The following PTPRG variants were observed in gnomAD, a reference collection of about 807,000 sequenced individuals.
PTPRG encodes receptor-type tyrosine-protein phosphatase gamma.
In PTPRG, 102 loss-of-function variants were observed where a neutral mutation model predicts 165.3. That is an observed-to-expected ratio of 0.62 (90% CI 0.53 to 0.73). PTPRG has a LOEUF of 0.73. Among genes scored for constraint, PTPRG ranks in the 30% least tolerant of loss-of-function variants. The pLI is 0.00. For missense variants in PTPRG, 1,866 were observed against 1,861.4 expected (o/e 1.00, Z -0.05); for synonymous variants, 675 against 669.5 (o/e 1.01, Z -0.13).
intron 5 of PTPRG, among the ~76,000 whole-genome samples, chr3:62,087,897 A>G (rs1040517221): frequency 1.3e-5 from 2 of 152,192 alleles, no homozygotes; most frequent in Non-Finnish European, 2.9e-5. Flanking sequence ...CTTCGATCCT[A>G]AATTATCTTA....
At chr3:62,185,074 T>G (rs1488926414) in intron 8 of PTPRG, among the ~76,000 whole-genome samples, 1 of 151,926 alleles carries the variant, frequency 6.6e-6, no homozygotes, top group East Asian at 1.9e-4. Flanking sequence ...AAAATATCCT[T>G]GACATTGATT....
At chr3:61,976,146 A>C (rs1260219179) in intron 2 of PTPRG, among the ~76,000 whole-genome samples, 1 of 152,178 alleles carries the variant, frequency 6.6e-6, no homozygotes, top group African/African-American at 2.4e-5. Context: ...TTGACAGAAT[A>C]TCTCTTGATA....
At chr3:62,016,086 A>T (rs2041538338) in intron 4 of PTPRG, among the ~76,000 whole-genome samples, 1 of 151,970 alleles carries the variant, frequency 6.6e-6, no homozygotes, top group South Asian at 2.1e-4. Flanking sequence ...AATAGTATAA[A>T]CCCCCTCCTC....
intron 5 of PTPRG, among the ~76,000 whole-genome samples, chr3:62,105,564 T>C (rs1702446140): frequency 6.6e-6 from 1 of 152,200 alleles, no homozygotes; most frequent in Non-Finnish European, 1.5e-5. Context: ...TTTACTTGTC[T>C]AGAGAGGCAT....
chr3:61,639,849 G>C (rs563579781), intron 1 of PTPRG, among the ~76,000 whole-genome samples: 8 of 152,266 alleles, frequency 5.3e-5, no homozygotes, highest in African/African-American at 1.7e-4. Context: ...TCAGTGAAGA[G>C]AGATAGTTTG....
chr3:61,751,632 A>G (rs2033433283), intron 2 of PTPRG, among the ~76,000 whole-genome samples: 1 of 152,180 alleles, frequency 6.6e-6, no homozygotes, highest in Non-Finnish European at 1.5e-5. Flanking sequence ...CATGGGAATG[A>G]TTAATATTAA....
chr3:61,835,960 A>G (rs1442228586), intron 2 of PTPRG, among the ~76,000 whole-genome samples: 2 of 151,708 alleles, frequency 1.3e-5, no homozygotes, highest in African/African-American at 4.8e-5. Context: ...GAATTGCTTG[A>G]AGCTGGGAGG....
chr3:62,292,275 C>A, intron 28 of PTPRG, 146 bp from the exon 29 acceptor site: 1 of 907,790 alleles, frequency 1.1e-6, no homozygotes, highest in Non-Finnish European at 1.6e-6. Context: ...ATCCCTCCCC[C>A]ACCAGCATTT....
intron 2 of PTPRG, among the ~76,000 whole-genome samples, chr3:61,782,562 C>A (rs2034576441): frequency 1.3e-5 from 2 of 152,136 alleles, no homozygotes; most frequent in Admixed American, 1.3e-4. Context: ...TACAGCTAAA[C>A]AAAAGTGCTA....
intron 1 of PTPRG, among the ~76,000 whole-genome samples, chr3:61,601,869 G>A (rs963809293): frequency 1.3e-5 from 2 of 152,210 alleles, no homozygotes; most frequent in Non-Finnish European, 2.9e-5. Context: ...TAATATTTGA[G>A]CAGAAATGTG....
chr3:61,815,301 G>C (rs2035723416), intron 2 of PTPRG, among the ~76,000 whole-genome samples: 1 of 151,720 alleles, frequency 6.6e-6, no homozygotes, highest in Admixed American at 6.6e-5. Context: ...TCCCAGCTAC[G>C]TGGGAGGCTG....
chr3:62,122,927 TG>T (rs1272134984), intron 5 of PTPRG, among the ~76,000 whole-genome samples: 11 of 152,152 alleles, frequency 7.2e-5, no homozygotes, highest in Non-Finnish European at 1.2e-4. Flanking sequence ...CAACCTGTCT[TG>T]TGGGAGCTAG....
intron 2 of PTPRG, among the ~76,000 whole-genome samples, chr3:61,866,937 C>T (rs902464664): frequency 2.6e-5 from 4 of 152,092 alleles, no homozygotes; most frequent in Non-Finnish European, 2.9e-5. Flanking sequence ...GTGTTTGCAA[C>T]GGAAGAGAGA....
intron 1 of PTPRG, among the ~76,000 whole-genome samples, chr3:61,698,803 A>G (rs2030762176): frequency 6.6e-6 from 1 of 152,240 alleles, no homozygotes; most frequent in Non-Finnish European, 1.5e-5. Flanking sequence ...AAAAGAATAT[A>G]TGTGGCACAT....
In PTPRG at chr3:61,987,253, G is replaced by A. The variant is rs114921513; in HGVS notation, c.191-2372G>A. Among the ~76,000 whole-genome samples the A allele has an allele frequency of 5.0e-3, 761 of 152,286 alleles. 9 individuals carry two copies. The highest frequency in any genetic ancestry group is 0.017 in the Middle Eastern group (5 of 294). On this transcript the variant is annotated intron_variant, in intron 2 of 29. Transcript: ENST00000474889. ...TGGAAGATCAGTTTCAATTAAAATT[G>A]CACTTGAATGTATATTGGGTGGAAG... is the stretch of plus-strand genomic sequence containing the variant.
At chr3:61,953,320 TAGAG>T (rs748864693) in intron 2 of PTPRG, among the ~76,000 whole-genome samples, 22 of 152,176 alleles carry the variant, frequency 1.4e-4, no homozygotes, top group Non-Finnish European at 2.4e-4. Context: ...GGGGCAAAAA[TAGAG>T]AGAAACTAGA....
intron 13 of PTPRG, among the ~76,000 whole-genome samples, chr3:62,227,417 C>T (rs1700787771): frequency 6.6e-6 from 1 of 152,206 alleles, no homozygotes; most frequent in African/African-American, 2.4e-5. Context: ...CCCTGTTAAC[C>T]AGCAATAATA....
intron 2 of PTPRG, among the ~76,000 whole-genome samples, chr3:61,908,143 A>G (rs979572047): frequency 2.0e-5 from 3 of 149,046 alleles, no homozygotes; most frequent in African/African-American, 7.4e-5. Flanking sequence ...AAAAAAAAAA[A>G]AAAAAATCGG....
chr3:62,276,720 TCTG>T, intron 24 of PTPRG: 1 of 482,718 alleles, frequency 2.1e-6, no homozygotes, highest in Non-Finnish European at 3.7e-6. Context: ...CTGTTATTGA[TCTG>T]CTGTAAAAAT....
Sources: gnomAD v4.1 joint callset for allele counts (sites outside exome capture counted in the v4.1 genomes callset) on GRCh38, gnomAD v4.1.1 for gene constraint, MANE v1.5 for transcripts, NCBI Gene and HGNC (gene_info 2026-07-23, HGNC 2026-07-21) for gene names.